Variants in AUTS2 observed in about 807,000 individuals in gnomAD.
AUTS2 encodes activator of transcription and developmental regulator AUTS2.
Under a neutral mutation model 112.4 loss-of-function variants are expected in AUTS2, and 17 were observed. The ratio of observed to expected loss-of-function variants is 0.15; its 90% CI spans 0.10 to 0.23. AUTS2 has a LOEUF of 0.23. Ranked by LOEUF, AUTS2 falls within the 10% of genes least tolerant of loss-of-function variation. The probability of loss-of-function intolerance (pLI) is 1.00; values close to 1 mark genes in which losing one functional copy is unlikely to be tolerated. For synonymous variants in AUTS2, 751 were observed against 702.7 expected (o/e 1.07, Z -1.09); for missense variants, 1,510 against 1,701.6 (o/e 0.89, Z 1.98).
intron 5 of AUTS2, among the ~76,000 whole-genome samples, chr7:70,504,415 G>GA (rs1798885704): frequency 6.6e-6 from 1 of 152,112 alleles, no homozygotes; most frequent in South Asian, 2.1e-4. Flanking sequence ...CGCTGTCAGT[G>GA]AAAAGACATT....
Position 70,790,048 on chromosome 7 carries a change from G to T in AUTS2, c.2832G>T (p.Val944=). Reference sequence around the variant, plus strand: ...TGGCCCGGGTGCCGTCTCCCTACGTGCGGACCCCGGTGGTGGAGAGTGCCA... The same window carrying T: ...TGGCCCGGGTGCCGTCTCCCTACGTTCGGACCCCGGTGGTGGAGAGTGCCA... The part of the protein sequence containing the change: ...KQLARVPSPY[V]RTPVVESARP... The change falls in exon 19 of 19, where the codon GTG becomes GTT. Residue 944 remains valine, a synonymous_variant. Transcript: ENST00000342771. The surrounding 1 kb of genome is among the most constrained non-coding windows in gnomAD (Gnocchi z 7.6). 1 of 1,578,820 alleles carries T rather than the reference G, an allele frequency of 6.3e-7. No individual in the cohort carries two copies.
intron 5 of AUTS2, among the ~76,000 whole-genome samples, chr7:70,621,250 A>C (rs1804658018): frequency 6.6e-6 from 1 of 152,128 alleles, no homozygotes; most frequent in African/African-American, 2.4e-5. Flanking sequence ...CTGCCTGGGT[A>C]GCTCCTTCTC....
At chr7:70,498,568 G>A (rs1438424586) in intron 5 of AUTS2, among the ~76,000 whole-genome samples, 1 of 152,122 alleles carries the variant, frequency 6.6e-6, no homozygotes, top group Non-Finnish European at 1.5e-5. Context: ...GTGTAGGAAG[G>A]GACTAGGTGG....
chr7:70,229,928 C>T (rs567065129), intron 4 of AUTS2, among the ~76,000 whole-genome samples: 1 of 152,158 alleles, frequency 6.6e-6, no homozygotes, highest in East Asian at 1.9e-4. Flanking sequence ...AATTTCTACC[C>T]TTTTATTGCT....
Position 69,646,063 on chromosome 7 carries a change from G to T in AUTS2, c.309+46101G>T, listed in dbSNP as rs1053893763. Among the ~76,000 whole-genome samples, 8 of 151,706 alleles carry T rather than the reference G, an allele frequency of 5.3e-5. No homozygotes were observed. The South Asian group carries it at 1.7e-3, about 32-fold the overall frequency. On this transcript the variant is annotated intron_variant, in intron 1 of 18. Transcript: ENST00000342771. ...GAGGGACCATTAGTTGAACTAAGAGGTATGTTGTTTATACTGTTGTTGTGG... is the reference window on the plus strand; with the variant it reads ...GAGGGACCATTAGTTGAACTAAGAGTTATGTTGTTTATACTGTTGTTGTGG...
intron 6 of AUTS2, among the ~76,000 whole-genome samples, chr7:70,714,588 G>A (rs183525732): frequency 6.6e-6 from 1 of 152,268 alleles, no homozygotes; most frequent in East Asian, 1.9e-4. Flanking sequence ...CACACATACT[G>A]CATGTCTTAA....
At chr7:69,638,907 T>G (rs1298252754) in intron 1 of AUTS2, among the ~76,000 whole-genome samples, 1 of 152,248 alleles carries the variant, frequency 6.6e-6, no homozygotes, top group African/African-American at 2.4e-5. Context: ...GCCTTGTGTT[T>G]CTCTAGGAAG....
At chr7:70,501,594 T>C (rs1798774370) in intron 5 of AUTS2, among the ~76,000 whole-genome samples, 1 of 152,178 alleles carries the variant, frequency 6.6e-6, no homozygotes, top group Admixed American at 6.5e-5. Flanking sequence ...CTCTCTTCTT[T>C]CCTGGTTTTG....
At chr7:70,745,036 A>AT (rs11304648) in intron 6 of AUTS2, among the ~76,000 whole-genome samples, 41 of 149,730 alleles carry the variant, frequency 2.7e-4, no homozygotes, top group Admixed American at 7.3e-4. Context: ...ATAATTAGCA[A>AT]TTTTTTTTTT....
chr7:70,166,667 T>C (rs541933689), intron 4 of AUTS2, among the ~76,000 whole-genome samples: 2 of 152,150 alleles, frequency 1.3e-5, no homozygotes, highest in East Asian at 1.9e-4. Context: ...ATAAAAATGC[T>C]CAGCTAATAC....
At chr7:70,650,922 A>G (rs1806469989) in intron 5 of AUTS2, among the ~76,000 whole-genome samples, 1 of 152,234 alleles carries the variant, frequency 6.6e-6, no homozygotes, top group Non-Finnish European at 1.5e-5. Context: ...GGAAGAAAGG[A>G]TCACGTTGAG....
intron 1 of AUTS2, among the ~76,000 whole-genome samples, chr7:69,624,894 G>C (rs546005171): frequency 3.3e-4 from 50 of 152,092 alleles, no homozygotes; most frequent in Non-Finnish European, 5.4e-4. Context: ...TCCATTAATA[G>C]TGGAGAAACT....
chr7:69,994,111 G>T (rs1798850156), intron 2 of AUTS2, among the ~76,000 whole-genome samples: 1 of 152,016 alleles, frequency 6.6e-6, no homozygotes, highest in Admixed American at 6.6e-5. Context: ...TGTGCCTGTT[G>T]TCCCAGCTAC....
chr7:70,641,899 A>G (rs887645459), intron 5 of AUTS2, among the ~76,000 whole-genome samples: 1 of 152,228 alleles, frequency 6.6e-6, no homozygotes, highest in African/African-American at 2.4e-5. Context: ...TTGCTTCTCA[A>G]TAATACCGAA....
intron 1 of AUTS2, among the ~76,000 whole-genome samples, chr7:69,663,619 G>A (rs1584030407): frequency 2.0e-5 from 3 of 152,268 alleles, no homozygotes; most frequent in African/African-American, 4.8e-5. Flanking sequence ...TATACCTTTT[G>A]TATTTCTGAA....
intron 2 of AUTS2, among the ~76,000 whole-genome samples, chr7:70,021,645 G>A (rs553411205): frequency 6.6e-6 from 1 of 152,290 alleles, no homozygotes; most frequent in South Asian, 2.1e-4. Flanking sequence ...TATTTCGTAA[G>A]GCTGTGATGC....
intron 2 of AUTS2, among the ~76,000 whole-genome samples, chr7:70,009,867 G>A (rs997461750): frequency 6.6e-6 from 1 of 152,062 alleles, no homozygotes; most frequent in Non-Finnish European, 1.5e-5. Context: ...CTTTTGGTTT[G>A]GTGAGTTCCA....
intron 1 of AUTS2, among the ~76,000 whole-genome samples, chr7:69,809,837 G>A (rs1402701681): frequency 6.6e-6 from 1 of 152,072 alleles, no homozygotes; most frequent in Non-Finnish European, 1.5e-5. Context: ...GAAGCACCCT[G>A]GTATATACTG....
intron 4 of AUTS2, among the ~76,000 whole-genome samples, chr7:70,419,379 C>T (rs891167741): frequency 1.5e-5 from 2 of 133,644 alleles, no homozygotes; most frequent in African/African-American, 2.9e-5. Context: ...TGCTTCATGT[C>T]TTTAAGACTC....
Sources: allele counts gnomAD v4.1 joint callset (sites outside exome capture counted in the v4.1 genomes callset), GRCh38; gene constraint gnomAD v4.1.1; non-coding constraint Gnocchi (gnomAD v3.1); transcripts MANE v1.5; gene names NCBI Gene and HGNC (gene_info 2026-07-23, HGNC 2026-07-21).